TMEM63C: variants seen among roughly 807,000 people sequenced by gnomAD.
The protein encoded by TMEM63C is osmosensitive cation channel TMEM63C.
In TMEM63C, 32 loss-of-function variants were observed where a neutral mutation model predicts 99.2. The ratio of observed to expected loss-of-function variants is 0.32; its 90% CI spans 0.24 to 0.43. The LOEUF is 0.43. TMEM63C is among the 20% of genes least tolerant of loss of function. The pLI, the probability that TMEM63C is intolerant of heterozygous loss-of-function variation, is 1.00. For synonymous variants in TMEM63C, 376 were observed against 397.9 expected, an observed-to-expected ratio of 0.94 and a Z score of 0.66; for missense variants, 826 against 1,053.0, an observed-to-expected ratio of 0.78 and a Z score of 2.98.
intron 18 of TMEM63C, 21 bp downstream of exon 18, chr14:77,246,695 A>C: frequency 1.2e-6 from 2 of 1,603,138 alleles, no homozygotes; most frequent in Non-Finnish European, 8.5e-7. Flanking sequence ...CCATGTGTCC[A>C]CCAGGGCTGC....
chr14:77,202,823 GCGCACACA>G (rs1233191481), intron 1 of TMEM63C, among the ~76,000 whole-genome samples: 7 of 115,508 alleles, frequency 6.1e-5, no homozygotes, highest in Non-Finnish European at 1.3e-4. Context: ...AGACAGGCAG[GCGCACACA>G]CACACACACA....
intron 1 of TMEM63C, among the ~76,000 whole-genome samples, chr14:77,187,067 G>A (rs1888015242): frequency 1.3e-5 from 2 of 152,160 alleles, no homozygotes; most frequent in African/African-American, 4.8e-5. Context: ...TCCACGCCTT[G>A]GGAGAGAAAG....
chr14:77,210,601 T>C (rs1329012274), intron 1 of TMEM63C, among the ~76,000 whole-genome samples: 1 of 151,906 alleles, frequency 6.6e-6, no homozygotes, highest in Non-Finnish European at 1.5e-5. Flanking sequence ...ACCAGCCCCC[T>C]AGCCATGAGA....
intron 1 of TMEM63C, among the ~76,000 whole-genome samples, chr14:77,203,587 T>C (rs1309041106): frequency 6.6e-6 from 1 of 152,230 alleles, no homozygotes; most frequent in African/African-American, 2.4e-5. Context: ...TTGTTCTTTA[T>C]TCTGGCTACT....
rs747132151 is a variant in TMEM63C at position 77,256,629 on chromosome 14, GAGA to G, written c.2331_2333del (p.Glu778del). ...ACCATGAACAACCAGCCGGAAGAGG[GAGA>G]AGAAGAGAGTGGTCTGAGGGGCTTT... On this transcript the variant is annotated inframe_deletion, in exon 24 of 24. Transcript: ENST00000298351. 303 of 1,613,930 alleles carry G rather than the reference GAGA, an allele frequency of 1.9e-4. No homozygotes were observed. Among genetic ancestry groups the G allele is most frequent in the Non-Finnish European group, 2.5e-4 (291 of 1,179,912 alleles).
intron 6 of TMEM63C, among the ~76,000 whole-genome samples, chr14:77,229,952 C>A (rs1473759970): frequency 6.6e-6 from 1 of 152,064 alleles, no homozygotes; most frequent in Non-Finnish European, 1.5e-5. Context: ...GTAATCCAAG[C>A]ACTTTGGGAG....
intron 1 of TMEM63C, among the ~76,000 whole-genome samples, chr14:77,189,512 T>C (rs1033582508): frequency 8.5e-5 from 13 of 152,214 alleles, no homozygotes; most frequent in African/African-American, 3.1e-4. Flanking sequence ...ATCATGTGTG[T>C]AGTGCCTTGG....
chr14:77,187,104 TAAG>T (rs974072500), intron 1 of TMEM63C, among the ~76,000 whole-genome samples: 1 of 152,044 alleles, frequency 6.6e-6, no homozygotes, highest in African/African-American at 2.4e-5. Context: ...GCTCAATAGG[TAAG>T]AAAGCTGTGG....
intron 10 of TMEM63C, 119 bp from the exon 11 acceptor site, chr14:77,239,293 T>A: frequency 3.1e-6 from 3 of 953,232 alleles, no homozygotes; most frequent in Non-Finnish European, 4.9e-6. Flanking sequence ...GAGTATCCCA[T>A]CCAGGAACAC....
chr14:77,250,364 C>G (rs1889337787), intron 21 of TMEM63C, among the ~76,000 whole-genome samples: 1 of 152,134 alleles, frequency 6.6e-6, no homozygotes, highest in Non-Finnish European at 1.5e-5. Context: ...ACCCCACTGC[C>G]CTTCCCTCAG....
At chr14:77,219,218 T>C (rs1365397337) in intron 3 of TMEM63C, among the ~76,000 whole-genome samples, 2 of 152,198 alleles carry the variant, frequency 1.3e-5, no homozygotes, top group Non-Finnish European at 2.9e-5. Flanking sequence ...CTCTTTCTCA[T>C]TGCTGAGGTC....
chr14:77,246,966 T>C (rs1241672017), intron 18 of TMEM63C, among the ~76,000 whole-genome samples: 1 of 152,028 alleles, frequency 6.6e-6, no homozygotes, highest in African/African-American at 2.4e-5. Context: ...TTATCCAGTT[T>C]CCCCCAATGG....
At chr14:77,253,053 A>G (rs1157880626) in intron 22 of TMEM63C, among the ~76,000 whole-genome samples, 2 of 152,350 alleles carry the variant, frequency 1.3e-5, no homozygotes, top group East Asian at 3.9e-4. Flanking sequence ...TTGAACTTCA[A>G]TTCCAGCTCT....
intron 6 of TMEM63C, among the ~76,000 whole-genome samples, chr14:77,226,520 A>AAG (rs762310840): frequency 2.6e-5 from 4 of 152,248 alleles, no homozygotes; most frequent in Non-Finnish European, 4.4e-5. Flanking sequence ...GCATGTGGGG[A>AAG]AGAGAGAAAT....
At chr14:77,197,728 C>G (rs1888235516) in intron 1 of TMEM63C, among the ~76,000 whole-genome samples, 1 of 152,230 alleles carries the variant, frequency 6.6e-6, no homozygotes, top group Non-Finnish European at 1.5e-5. Context: ...CCATGACTCC[C>G]CATTGTCTAG....
chr14:77,227,092 C>G (rs1317471212), intron 6 of TMEM63C, among the ~76,000 whole-genome samples: 1 of 152,154 alleles, frequency 6.6e-6, no homozygotes, highest in East Asian at 1.9e-4. Flanking sequence ...GGCTGGCATA[C>G]TGAGAATCTT....
At chr14:77,241,049 C>G (rs1889167296) in intron 13 of TMEM63C, among the ~76,000 whole-genome samples, 2 of 150,432 alleles carry the variant, frequency 1.3e-5, no homozygotes, top group African/African-American at 4.9e-5. Flanking sequence ...CTCCCAGGTT[C>G]AAGCGATTCT....
At chr14:77,195,184 C>G (rs535472743) in intron 1 of TMEM63C, among the ~76,000 whole-genome samples, 107 of 152,238 alleles carry the variant, frequency 7.0e-4, no homozygotes, top group African/African-American at 2.6e-3. Flanking sequence ...TTTTTAAATT[C>G]GTTTCTCAGT....
At chr14:77,234,981 C>T (rs188825556) in intron 8 of TMEM63C, among the ~76,000 whole-genome samples, 145 of 152,266 alleles carry the variant, frequency 9.5e-4, no homozygotes, top group Non-Finnish European at 1.5e-3. Context: ...CCCAGCGCAC[C>T]ATTGCTACAG....
Sources: gnomAD v4.1 joint callset for allele counts (sites outside exome capture counted in the v4.1 genomes callset) on GRCh38, gnomAD v4.1.1 for gene constraint, MANE v1.5 for transcripts, NCBI Gene and HGNC (gene_info 2026-07-23, HGNC 2026-07-21) for gene names.